TNFRSF19: variants seen among roughly 807,000 people sequenced by gnomAD.
TNFRSF19 encodes the protein TNF receptor superfamily member 19.
In TNFRSF19, 27 loss-of-function variants were observed where a neutral mutation model predicts 46.4. That is an observed-to-expected ratio of 0.58 (90% confidence interval 0.43 to 0.80). The LOEUF is 0.80. Among genes scored for constraint, TNFRSF19 ranks in the 30% least tolerant of loss-of-function variants. TNFRSF19 has a pLI of 0.00. For synonymous variants in TNFRSF19, 204 were observed against 205.0 expected (o/e 1.00, Z 0.04); for missense variants, 511 against 530.8 (o/e 0.96, Z 0.37).
intron 1 of TNFRSF19, among the ~76,000 whole-genome samples, chr13:23,588,718 A>T (rs1383604887): frequency 6.6e-6 from 1 of 152,140 alleles, no homozygotes; most frequent in Non-Finnish European, 1.5e-5. Flanking sequence ...TTATCTTCTC[A>T]CCCTAACCCT....
In TNFRSF19 at chr13:23,669,091, C is replaced by T. The variant is rs1481190352; in HGVS notation, c.1239C>T (p.Ser413=). The change falls in exon 9 of 10, where the codon TCC becomes TCT. Residue 413 remains serine (S), a synonymous_variant. Transcript: ENST00000248484. Reference sequence around the variant, plus strand: ...TCATCCACCCAGCCACTCAGACGTCCCTCCAGGTAAGGCAGCGACTGGGTT... The same window carrying T: ...TCATCCACCCAGCCACTCAGACGTCTCTCCAGGTAAGGCAGCGACTGGGTT... The part of the protein sequence containing the change: ...GAVIHPATQT[S]LQEA 6.2e-7 allele frequency: 1 copy of T among 1,613,866 alleles called. No homozygotes were observed. Among genetic ancestry groups the T allele is most frequent in the Non-Finnish European group, 8.5e-7 (1 of 1,179,894 alleles).
chr13:23,660,465 C>G lies in TNFRSF19; in HGVS notation c.711C>G (p.Cys237Trp). The G allele has an allele frequency of 6.2e-7, 1 of 1,613,434 alleles. No homozygotes were observed. The highest frequency in any genetic ancestry group is 8.5e-7 in the Non-Finnish European group (1 of 1,179,986). The change falls in exon 7 of 10, where the codon TGC becomes TGG. Residue 237 changes from cysteine to tryptophan, a missense_variant. Physicochemically the swap from Cys to Trp is radical, Grantham distance 215. Transcript: ENST00000248484. ...HEYAHRACCQ[C>W]RRDSVQTCGP... ...ATGCCCACAGAGCCTGCTGCCAGTG[C>G]CGCCGTGACTCAGTGCAGACCTGCG...
chr13:23,650,438 A>G (rs1183675351), intron 5 of TNFRSF19, among the ~76,000 whole-genome samples: 5 of 152,254 alleles, frequency 3.3e-5, no homozygotes, highest in Non-Finnish European at 5.9e-5. Context: ...GATACAAGCT[A>G]CACTGTGGAT....
chr13:23,640,141 A>G (rs530187376), intron 5 of TNFRSF19, among the ~76,000 whole-genome samples: 4 of 152,316 alleles, frequency 2.6e-5, no homozygotes, highest in African/African-American at 7.2e-5. Flanking sequence ...AGGCTCTGTT[A>G]TAAAACATGC....
chr13:23,651,890 TGC>T (rs1883669042), intron 5 of TNFRSF19, among the ~76,000 whole-genome samples: 11 of 18,416 alleles, frequency 6.0e-4, no homozygotes, highest in Non-Finnish European at 9.3e-4. Flanking sequence ...GAACATAACA[TGC>T]TAAAAAAAAA....
chr13:23,643,997 A>G (rs1883174100), intron 5 of TNFRSF19, among the ~76,000 whole-genome samples: 1 of 152,252 alleles, frequency 6.6e-6, no homozygotes, highest in African/African-American at 2.4e-5. Flanking sequence ...ATGAAAGCAT[A>G]GTTATGAATC....
intron 4 of TNFRSF19, among the ~76,000 whole-genome samples, chr13:23,625,144 T>C (rs535918747): frequency 6.6e-6 from 1 of 152,276 alleles, no homozygotes; most frequent in East Asian, 1.9e-4. Flanking sequence ...TATGCATTCC[T>C]TTGTTTTCAC....
chr13:23,580,352 A>G (rs1231625204), intron 1 of TNFRSF19, among the ~76,000 whole-genome samples: 2 of 152,092 alleles, frequency 1.3e-5, no homozygotes, highest in African/African-American at 4.8e-5. Context: ...GTTTAACCCA[A>G]GATATGTATG....
intron 5 of TNFRSF19, among the ~76,000 whole-genome samples, chr13:23,631,505 G>A (rs921061793): frequency 1.3e-5 from 2 of 152,164 alleles, no homozygotes; most frequent in African/African-American, 4.8e-5. Flanking sequence ...TGACACTGCT[G>A]TCCCCTTCTG....
rs114202138 is a variant in TNFRSF19, at chr13:23,655,195, T to C, written c.446-3855T>C. ...TATTCAGATTTTCCTCAAACTTTTT[T>C]AATGCCTTGTAGGATGTCGTACTCG... On this transcript the variant is annotated intron_variant, in intron 5 of 9. Transcript: ENST00000248484. 6.3e-3 allele frequency among the ~76,000 whole-genome samples: 959 copies of C among 152,322 alleles called. 13 individuals are homozygous for C. Among genetic ancestry groups the C allele is most frequent in the African/African-American group, 0.022 (918 of 41,576 alleles).
intron 3 of TNFRSF19, among the ~76,000 whole-genome samples, chr13:23,604,800 C>T (rs1464008144): frequency 6.6e-6 from 1 of 152,016 alleles, no homozygotes; most frequent in African/African-American, 2.4e-5. Flanking sequence ...CATCCACATG[C>T]AAAAAATGAA....
intron 4 of TNFRSF19, among the ~76,000 whole-genome samples, chr13:23,623,544 G>A (rs1207305489): frequency 6.6e-6 from 1 of 152,176 alleles, no homozygotes; most frequent in Non-Finnish European, 1.5e-5. Context: ...CATAGCGGCT[G>A]CACCATTTTA....
intron 3 of TNFRSF19, among the ~76,000 whole-genome samples, chr13:23,608,298 G>A (rs767174592): frequency 6.6e-6 from 1 of 152,198 alleles, no homozygotes; most frequent in Non-Finnish European, 1.5e-5. Flanking sequence ...ACATAAATAT[G>A]AGCTATCTCT....
intron 9 of TNFRSF19, among the ~76,000 whole-genome samples, chr13:23,671,063 G>C (rs563526730): frequency 1.4e-4 from 21 of 152,316 alleles, no homozygotes; most frequent in African/African-American, 4.8e-4. Flanking sequence ...TTCTGTGTAT[G>C]TTGGTGGTGT....
At chr13:23,590,044 ATATT>A (rs1426087073) in intron 1 of TNFRSF19, 102 bp from the exon 2 acceptor site, 1 of 456,052 alleles carries the variant, frequency 2.2e-6, no homozygotes, top group Non-Finnish European at 4.0e-6. Flanking sequence ...AACACAAATA[ATATT>A]TATTACCTAG....
intron 1 of TNFRSF19, among the ~76,000 whole-genome samples, chr13:23,578,451 G>A (rs1304747780): frequency 6.6e-6 from 1 of 152,178 alleles, no homozygotes; most frequent in Non-Finnish European, 1.5e-5. Context: ...CACAAGCTGT[G>A]CTTTTGGGCA....
chr13:23,577,766 G>A (rs1005639812), intron 1 of TNFRSF19, among the ~76,000 whole-genome samples: 1 of 152,196 alleles, frequency 6.6e-6, no homozygotes, highest in South Asian at 2.1e-4. Context: ...CCAGAGGCGA[G>A]GCAAGGCTGG....
At chr13:23,670,959 C>A (rs1207620747) in intron 9 of TNFRSF19, among the ~76,000 whole-genome samples, 1 of 152,180 alleles carries the variant, frequency 6.6e-6, no homozygotes, top group Non-Finnish European at 1.5e-5. Flanking sequence ...AATTTTGTAG[C>A]TTGTACCCAA....
chr13:23,623,096 G>A (rs1170665024), intron 4 of TNFRSF19, among the ~76,000 whole-genome samples: 1 of 152,066 alleles, frequency 6.6e-6, no homozygotes, highest in Admixed American at 6.6e-5. Flanking sequence ...CTCTATACCC[G>A]TTAAACAACT....
Sources: gnomAD v4.1 joint callset for allele counts (sites outside exome capture counted in the v4.1 genomes callset) on GRCh38, gnomAD v4.1.1 for gene constraint, MANE v1.5 for transcripts, NCBI Gene and HGNC (gene_info 2026-07-23, HGNC 2026-07-21) for gene names.